ITGA8: variants seen among roughly 807,000 people sequenced by gnomAD.
ITGA8 encodes the protein integrin subunit alpha 8.
In ITGA8, 91 loss-of-function variants were observed where a neutral mutation model predicts 142.3. The ratio of observed to expected loss-of-function variants is 0.64; its 90% confidence interval spans 0.54 to 0.76. The LOEUF (loss-of-function observed/expected upper bound fraction) is 0.76. Among genes scored for constraint, ITGA8 ranks in the 30% least tolerant of loss-of-function variants. The probability of loss-of-function intolerance (pLI) is 0.00; values close to 1 mark genes in which losing one functional copy is unlikely to be tolerated. For synonymous variants in ITGA8, 505 were observed against 485.2 expected, an observed-to-expected ratio of 1.04 and a Z score of -0.54; for missense variants, 1,406 against 1,327.7, an observed-to-expected ratio of 1.06 and a Z score of -0.92.
At chr10:15,681,083 G>A (rs1355268511) in intron 4 of ITGA8, among the ~76,000 whole-genome samples, 1 of 152,196 alleles carries the variant, frequency 6.6e-6, no homozygotes, top group Non-Finnish European at 1.5e-5. Flanking sequence ...CCTGAATTAT[G>A]AATGACCATG....
intron 12 of ITGA8, among the ~76,000 whole-genome samples, chr10:15,645,853 G>C (rs1356405495): frequency 6.6e-6 from 1 of 152,026 alleles, no homozygotes; most frequent in East Asian, 1.9e-4. Flanking sequence ...CTGAGGAGAG[G>C]GTACTTGGAG....
intron 2 of ITGA8, among the ~76,000 whole-genome samples, chr10:15,708,650 C>T (rs1164295245): frequency 2.0e-5 from 3 of 152,164 alleles, no homozygotes; most frequent in African/African-American, 7.2e-5. Context: ...CTTTCTCATG[C>T]TCTTTTAAAG....
intron 28 of ITGA8, among the ~76,000 whole-genome samples, chr10:15,526,208 C>A (rs1457708950): frequency 6.6e-6 from 1 of 151,022 alleles, no homozygotes; most frequent in Non-Finnish European, 1.5e-5. Flanking sequence ...CGGAGTTGTG[C>A]TGTTATCGCC....
rs945083515 is a variant in ITGA8, at chr10:15,701,036, A to C, written c.344-12998T>G. Among the ~76,000 whole-genome samples the C allele has an allele frequency of 5.9e-5, 9 of 152,232 alleles. 1 individual carries two copies. ...CTTCACCTCTGCATTTTCCAGTGCC[A>C]AAAACATAGTAGATCATCAGTGTTT... On this transcript the variant is annotated intron_variant, in intron 2 of 29. Transcript: ENST00000378076.
rs1205136532 is a variant in ITGA8, at chr10:15,684,205, TAACA to T, written c.445-82_445-79del. 3.5e-6 allele frequency: 5 copies of T among 1,436,770 alleles called. No homozygotes were observed. The East Asian group carries it at 9.3e-5, about 27-fold the overall frequency. 89.0% of individuals were successfully genotyped at this position (1,436,770 alleles called of 1,614,324 possible). A position where few individuals can be genotyped will look rare whatever the true frequency, so the allele number is the denominator to read the frequency against. On this transcript the variant is annotated intron_variant, in intron 3 of 29. Coordinates refer to ENST00000378076, the MANE Select transcript of ITGA8 (RefSeq NM_003638.3). ...TACAGTTTTATTTGAATTATTGGTA[TAACA>T]AACTGTTAAATTATTGGGTGAATTA...
intron 21 of ITGA8, among the ~76,000 whole-genome samples, chr10:15,595,932 A>G (rs1833004346): frequency 6.6e-6 from 1 of 152,136 alleles, no homozygotes; most frequent in Non-Finnish European, 1.5e-5. Flanking sequence ...TGCACCTGTA[A>G]TCTCAGCTAC....
In ITGA8 at chr10:15,613,470, G is replaced by C. The variant is rs1003655641; in HGVS notation, c.1553+190C>G. ...TCAGCATCATATCATAGGTTCTCTT[G>C]AAAGACTAACTCCTTGCTACTCAAA... On this transcript the variant is annotated intron_variant, in intron 15 of 29. Transcript: ENST00000378076. The C allele has an allele frequency of 6.0e-5, 35 of 586,960 alleles. No homozygotes were observed. In the African/African-American group the frequency reaches 6.0e-4, roughly 10 times the overall value. 36.4% of individuals were successfully genotyped at this position (586,960 alleles called of 1,614,324 possible).
At chr10:15,633,491 G>A (rs1833718763) in intron 13 of ITGA8, among the ~76,000 whole-genome samples, 1 of 152,084 alleles carries the variant, frequency 6.6e-6, no homozygotes, top group Non-Finnish European at 1.5e-5. Context: ...GAGCGCAGCA[G>A]CACACAATCT....
At chr10:15,559,935 C>T (rs1265888508) in intron 25 of ITGA8, among the ~76,000 whole-genome samples, 1 of 152,078 alleles carries the variant, frequency 6.6e-6, no homozygotes, top group Non-Finnish European at 1.5e-5. Flanking sequence ...CACATGTTTA[C>T]CTATGTAATA....
chr10:15,633,422 A>G (rs1833717550), intron 13 of ITGA8, among the ~76,000 whole-genome samples: 2 of 152,086 alleles, frequency 1.3e-5, no homozygotes, highest in Middle Eastern at 3.2e-3. Context: ...TTTTATGCCA[A>G]ATTCCTTTTA....
chr10:15,607,881 T>G (rs749621133), intron 16 of ITGA8, 50 bp from the exon 17 acceptor site: 1 of 1,454,138 alleles, frequency 6.9e-7, no homozygotes, highest in South Asian at 1.2e-5. Flanking sequence ...AACACAGTGC[T>G]CTATCAGAGA....
intron 25 of ITGA8, among the ~76,000 whole-genome samples, chr10:15,566,945 G>A (rs1374164517): frequency 2.7e-5 from 4 of 147,222 alleles, no homozygotes; most frequent in Non-Finnish European, 6.0e-5. Flanking sequence ...ATCACCTGAG[G>A]TCAAGGGTTC....
At chr10:15,609,636 A>T (rs1333042278) in intron 15 of ITGA8, among the ~76,000 whole-genome samples, 2 of 152,248 alleles carry the variant, frequency 1.3e-5, no homozygotes, top group African/African-American at 4.8e-5. Flanking sequence ...TTCAAGAAAG[A>T]TGAAGAGTTA....
At chr10:15,518,829 GT>G (rs1312502375) in intron 29 of ITGA8, among the ~76,000 whole-genome samples, 1 of 152,184 alleles carries the variant, frequency 6.6e-6, no homozygotes, top group Non-Finnish European at 1.5e-5. Context: ...CTCATTAGTA[GT>G]TGAAATTAAA....
chr10:15,577,040 A>C (rs544113238), intron 23 of ITGA8, among the ~76,000 whole-genome samples: 1 of 152,316 alleles, frequency 6.6e-6, no homozygotes, highest in African/African-American at 2.4e-5. Flanking sequence ...TTTCTATACC[A>C]GTCTTGACAG....
At chr10:15,586,453 G>A (rs190976564) in intron 23 of ITGA8, 131 bp downstream of exon 23, 4 of 594,116 alleles carry the variant, frequency 6.7e-6, no homozygotes, top group Admixed American at 5.6e-5. Flanking sequence ...CAGTAGAAAA[G>A]AGTGAAAATT....
At chr10:15,702,827 T>C (rs1835190318) in intron 2 of ITGA8, among the ~76,000 whole-genome samples, 2 of 152,166 alleles carry the variant, frequency 1.3e-5, no homozygotes, top group Non-Finnish European at 2.9e-5. Context: ...TCTTTGAGAT[T>C]ATTGTTTCAA....
intron 13 of ITGA8, among the ~76,000 whole-genome samples, chr10:15,643,285 A>T (rs1179555128): frequency 1.3e-5 from 2 of 151,962 alleles, no homozygotes; most frequent in African/African-American, 4.8e-5. Context: ...GCTGGAAGAG[A>T]TACATATATT....
intron 13 of ITGA8, among the ~76,000 whole-genome samples, chr10:15,621,026 A>AC (rs1183078582): frequency 6.6e-6 from 1 of 152,230 alleles, no homozygotes; most frequent in Non-Finnish European, 1.5e-5. Context: ...AACACTTGGA[A>AC]CATTTTTTTC....
Sources: allele counts gnomAD v4.1 joint callset (sites outside exome capture counted in the v4.1 genomes callset), GRCh38; gene constraint gnomAD v4.1.1; transcripts MANE v1.5; gene names NCBI Gene and HGNC (gene_info 2026-07-23, HGNC 2026-07-21).